SDK1: variants seen among roughly 807,000 people sequenced by gnomAD.
SDK1 encodes sidekick cell adhesion molecule 1, also known as protein sidekick-1.
A neutral mutation model predicts 245.5 loss-of-function variants in SDK1; 157 were observed. The observed-to-expected ratio is 0.64, with a 90% confidence interval of 0.56 to 0.73. The LOEUF (loss-of-function observed/expected upper bound fraction) is 0.73. Among genes scored for constraint, SDK1 ranks in the 30% least tolerant of loss-of-function variants. The pLI, the probability that SDK1 is intolerant of heterozygous loss-of-function variation, is 0.00. For synonymous variants in SDK1, 1,647 were observed against 1,278.5 expected (o/e 1.29, Z -6.15); for missense variants, 3,583 against 3,002.3 (o/e 1.19, Z -4.52).
chr7:3,747,746 G>A (rs1320926330), intron 4 of SDK1, among the ~76,000 whole-genome samples: 1 of 151,900 alleles, frequency 6.6e-6, no homozygotes, highest in Non-Finnish European at 1.5e-5. Flanking sequence ...CTGAAGAGTT[G>A]ATGAATGTTG....
intron 8 of SDK1, among the ~76,000 whole-genome samples, chr7:3,960,861 CTG>C (rs2128129165): frequency 6.6e-6 from 1 of 152,282 alleles, no homozygotes; most frequent in African/African-American, 2.4e-5. Context: ...GCCAACAACT[CTG>C]TGAATGTGAA....
At chr7:3,623,720 C>G (rs1782021092) in intron 2 of SDK1, among the ~76,000 whole-genome samples, 1 of 152,060 alleles carries the variant, frequency 6.6e-6, no homozygotes, top group South Asian at 2.1e-4. Context: ...ATGAAAAAAT[C>G]TTTTCTAATT....
chr7:4,016,375 C>G (rs1786401250), intron 16 of SDK1, among the ~76,000 whole-genome samples: 1 of 152,336 alleles, frequency 6.6e-6, no homozygotes, highest in African/African-American at 2.4e-5. Flanking sequence ...GGGGCTGATC[C>G]AGGAAAGCTC....
At position 4,191,033 on chromosome 7, in the gene SDK1, A is replaced by G. The variant is rs960657838; in HGVS notation, c.5098+12447A>G. Reference sequence around the variant, plus strand: ...CACTTCTGCTGGGGTGACCCTTGTGAAATGCAAATCCCATCCCCTCACTTT... The same window carrying G: ...CACTTCTGCTGGGGTGACCCTTGTGGAATGCAAATCCCATCCCCTCACTTT... On this transcript the variant is annotated intron_variant, in intron 35 of 44. Transcript: ENST00000404826. Among the ~76,000 whole-genome samples the G allele has an allele frequency of 5.3e-5, 8 of 152,188 alleles. No individual in the cohort carries two copies. In the East Asian group the frequency reaches 1.5e-3, roughly 29 times the overall value.
At chr7:4,138,405 C>T (rs1179418388) in intron 28 of SDK1, among the ~76,000 whole-genome samples, 1 of 152,114 alleles carries the variant, frequency 6.6e-6, no homozygotes, top group African/African-American at 2.4e-5. Flanking sequence ...AAAACTCATA[C>T]TGAGTGTGGA....
chr7:3,942,099 G>A (rs1780391537), intron 5 of SDK1, among the ~76,000 whole-genome samples: 1 of 151,966 alleles, frequency 6.6e-6, no homozygotes, highest in Admixed American at 6.6e-5. Flanking sequence ...GTGGAGACGG[G>A]GTTTCACCGT....
chr7:3,961,792 G>A (rs919925608), intron 8 of SDK1, among the ~76,000 whole-genome samples: 1 of 152,126 alleles, frequency 6.6e-6, no homozygotes, highest in African/African-American at 2.4e-5. Flanking sequence ...GCACTCACCA[G>A]GTGCCGGGCA....
chr7:3,404,256 A>C (rs1418935677), intron 1 of SDK1, among the ~76,000 whole-genome samples: 1 of 152,172 alleles, frequency 6.6e-6, no homozygotes, highest in Non-Finnish European at 1.5e-5. Context: ...CAAGAAAGCT[A>C]AGTGCAGTAA....
intron 4 of SDK1, among the ~76,000 whole-genome samples, chr7:3,674,836 G>A (rs181070768): frequency 5.9e-5 from 9 of 152,240 alleles, no homozygotes; most frequent in African/African-American, 1.9e-4. Context: ...TGTTCAGCAC[G>A]CATTGGGTAA....
intron 5 of SDK1, among the ~76,000 whole-genome samples, chr7:3,878,111 A>C (rs894833491): frequency 2.0e-5 from 3 of 152,248 alleles, no homozygotes; most frequent in Non-Finnish European, 2.9e-5. Flanking sequence ...AAGCTCTTGA[A>C]TAAAACATTT....
intron 35 of SDK1, among the ~76,000 whole-genome samples, chr7:4,204,537 G>A (rs186358991): frequency 6.6e-6 from 1 of 151,988 alleles, no homozygotes; most frequent in Non-Finnish European, 1.5e-5. Flanking sequence ...TGGGGAGGGG[G>A]TGATGGGGAA....
intron 4 of SDK1, among the ~76,000 whole-genome samples, chr7:3,813,353 T>C (rs1350821149): frequency 2.0e-5 from 3 of 146,820 alleles, no homozygotes; most frequent in Admixed American, 6.9e-5. Flanking sequence ...TGAGTGAGAA[T>C]AGGCGGTGTT....
intron 2 of SDK1, among the ~76,000 whole-genome samples, chr7:3,621,905 T>G (rs1781953922): frequency 6.6e-6 from 1 of 152,228 alleles, no homozygotes; most frequent in African/African-American, 2.4e-5. Context: ...TTTTTTGACT[T>G]TACGCAGTTG....
intron 1 of SDK1, among the ~76,000 whole-genome samples, chr7:3,610,734 T>C (rs148896065): frequency 1.3e-5 from 2 of 152,224 alleles, no homozygotes; most frequent in African/African-American, 4.8e-5. Context: ...TTAAATATGG[T>C]GTTAATTTGC....
chr7:4,044,581 C>T (rs1364183472), intron 17 of SDK1, among the ~76,000 whole-genome samples: 2 of 152,062 alleles, frequency 1.3e-5, no homozygotes, highest in Non-Finnish European at 1.5e-5. Flanking sequence ...GTAGCTAGGA[C>T]TACAGGTGCA....
intron 29 of SDK1, among the ~76,000 whole-genome samples, chr7:4,146,527 C>G (rs912767095): frequency 1.3e-5 from 2 of 152,256 alleles, no homozygotes; most frequent in Non-Finnish European, 2.9e-5. Flanking sequence ...CACACCTGCT[C>G]TCTTAGATAT....
intron 17 of SDK1, among the ~76,000 whole-genome samples, chr7:4,018,926 C>A (rs1331153376): frequency 6.6e-6 from 1 of 152,174 alleles, no homozygotes; most frequent in Non-Finnish European, 1.5e-5. Flanking sequence ...TGTCCTCTAG[C>A]TCCAAAGGCT....
Position 3,753,526 on chromosome 7 carries a change from C to T in SDK1, c.714-67924C>T, listed in dbSNP as rs143199317. 9.9e-4 allele frequency among the ~76,000 whole-genome samples: 151 copies of T among 152,332 alleles called. 1 individual carries two copies. The highest frequency in any genetic ancestry group is 3.4e-3 in the African/African-American group (143 of 41,578). On this transcript the variant is annotated intron_variant, in intron 4 of 44. Transcript: ENST00000404826. ...AACAGGAATGCACTCAGCCAGGTTG[C>T]AGTCACCCCCAGACAGGAAGGTTCT...
At chr7:3,648,364 G>A (rs1782913559) in intron 4 of SDK1, among the ~76,000 whole-genome samples, 1 of 152,188 alleles carries the variant, frequency 6.6e-6, no homozygotes, top group African/African-American at 2.4e-5. Context: ...TACCTGACAG[G>A]AATGTGCAAG....
Sources: allele counts gnomAD v4.1 joint callset (sites outside exome capture counted in the v4.1 genomes callset), GRCh38; gene constraint gnomAD v4.1.1; transcripts MANE v1.5; gene names NCBI Gene and HGNC (gene_info 2026-07-23, HGNC 2026-07-21).